Variants in SMTN observed in about 807,000 individuals in gnomAD.
SMTN encodes smoothelin.
A neutral mutation model predicts 102.0 loss-of-function variants in SMTN; 58 were observed. The observed-to-expected ratio is 0.57, with a 90% confidence interval of 0.46 to 0.71. SMTN has a LOEUF of 0.71. SMTN is among the 30% of genes least tolerant of loss of function. SMTN has a pLI of 0.00. For synonymous variants in SMTN, 478 were observed against 497.9 expected (o/e 0.96, Z 0.53); for missense variants, 1,185 against 1,241.7 (o/e 0.95, Z 0.69).
At chr22:31,085,374 C>T in intron 2 of SMTN, 2 of 1,271,874 alleles carry the variant, frequency 1.6e-6, no homozygotes, top group South Asian at 3.1e-5. Context: ...CGAGGCTTCC[C>T]TCCACCGCCG....
rs549981805 is a variant in SMTN at position 31,075,634 on chromosome 22, T to C, written c.-385-4816T>C. Among the ~76,000 whole-genome samples, 51 of 150,838 alleles carry C rather than the reference T, an allele frequency of 3.4e-4. 1 individual carries two copies. The South Asian group carries it at 5.1e-3, about 15-fold the overall frequency. Reference sequence around the variant, plus strand: ...AGGCAGGGGTTGCAGTGAGCCAAGATTGCGCCACTGCACTCTAGTCTGGGT... The same window carrying C: ...AGGCAGGGGTTGCAGTGAGCCAAGACTGCGCCACTGCACTCTAGTCTGGGT... On this transcript the variant is annotated intron_variant, in intron 1 of 3. Coordinates refer to the SMTN transcript ENST00000422839.
chr22:31,093,228 C>A, intron 11 of SMTN: 1 of 252,440 alleles, frequency 4.0e-6, no homozygotes, highest in South Asian at 4.5e-5. Context: ...TGGGCAGGCC[C>A]CCCCTCCCCC....
intron 1 of SMTN, chr22:31,082,841 A>C: frequency 6.6e-7 from 1 of 1,511,900 alleles, no homozygotes; most frequent in East Asian, 2.5e-5. Context: ...CCTGGTGGTA[A>C]GCACAGCTTG....
intron 2 of SMTN, chr22:31,083,556 T>C (rs952471128): frequency 8.9e-6 from 4 of 451,676 alleles, no homozygotes; most frequent in Non-Finnish European, 1.2e-5. Flanking sequence ...GTTTAAACAG[T>C]AACTGCTGTA....
chr22:31,071,806 C>T (rs1349578987), intron 1 of SMTN, among the ~76,000 whole-genome samples: 1 of 151,612 alleles, frequency 6.6e-6, no homozygotes, highest in Non-Finnish European at 1.5e-5. Flanking sequence ...AGGGATTCTC[C>T]CACCTCAGCC....
Position 31,083,290 on chromosome 22 carries a change from AG to A in SMTN, c.35del (p.Gly12GlufsTer78). 6.3e-7 allele frequency: 1 copy of A among 1,584,368 alleles called. No homozygotes were observed. Among genetic ancestry groups the A allele is most frequent in the Non-Finnish European group, 8.6e-7 (1 of 1,167,734 alleles). ...GACGAGGCCTTAGCTGGGCTGGATGAGGGAGCCCTTCGGAAGCTGGTAAGTG... is the reference window on the plus strand; with the variant it reads ...GACGAGGCCTTAGCTGGGCTGGATGAGGAGCCCTTCGGAAGCTGGTAAGTG... MADEALAGLD[E>X]GALRKLLEVT... On this transcript the variant is annotated frameshift_variant, in exon 2 of 21. Coordinates refer to ENST00000333137, the MANE Select transcript of SMTN (RefSeq NM_134269.3). LOFTEE classifies it high-confidence loss of function.
Position 31,098,792 on chromosome 22 carries a change from A to C in SMTN, c.2285A>C (p.Gln762Pro). 9 of 1,612,728 alleles carry C rather than the reference A, an allele frequency of 5.6e-6. No homozygotes were observed. The highest frequency in any genetic ancestry group is 6.8e-6 in the Non-Finnish European group (8 of 1,179,784). The part of the protein sequence containing the change: ...AQSLPKTSAS[Q>P]ARKAMIEKLE... ...AGTCTGCCCAAGACCTCAGCCTCCC[A>C]GGCGCGCAAGGCCATGATTGAGAAG... The change falls in exon 17 of 21, where the codon CAG (glutamine) becomes CCG (proline). Residue 762 changes from glutamine to proline, a missense_variant. This residue lies in a region of SMTN where 1,096 missense variants were observed against 1,112.7 expected (regional missense o/e 0.98). Coordinates refer to ENST00000333137, the MANE Select transcript of SMTN (RefSeq NM_134269.3).
chr22:31,095,603 A>C lies in SMTN; in HGVS notation c.1855A>C (p.Lys619Gln), dbSNP rs1390991789. The change falls in exon 13 of 21, where the codon AAG (lysine) becomes CAG (glutamine). Residue 619 changes from lysine (K) to glutamine (Q), a missense_variant. By Grantham distance (53) the Lys-to-Gln change is moderately conservative (BLOSUM62 1). Transcript: ENST00000333137. This position sits in a 1 kb window ranked among gnomAD's most constrained non-coding sequence, Gnocchi z 4.1. The stretch of plus-strand genomic sequence containing the variant: ...TGCACTTCGTGAGCTCCGACAAAGG[A>C]AGAGAGGTAGAGAGCCAGTTGCCCT... ...RAALRELRQRKRDQRDKERER... is the reference protein window; with the variant it reads ...RAALRELRQRQRDQRDKERER... 2 of 1,612,772 alleles carry C rather than the reference A, an allele frequency of 1.2e-6. No homozygotes were observed.
At position 31,069,069 on chromosome 22, in the gene SMTN, T is replaced by C. The variant is rs1410331563; in HGVS notation, c.-386+4882T>C. 2.0e-5 allele frequency among the ~76,000 whole-genome samples: 3 copies of C among 152,164 alleles called. No individual in the cohort carries two copies. In the East Asian group the frequency reaches 5.8e-4, roughly 29 times the overall value. On this transcript the variant is annotated intron_variant, in intron 1 of 3. Transcript: ENST00000422839. ...AGCGATTCAGAAGTCAAACATCAGGTTGGGGCTAGTTGTAAGGTTTAGGGC... is the reference window on the plus strand; with the variant it reads ...AGCGATTCAGAAGTCAAACATCAGGCTGGGGCTAGTTGTAAGGTTTAGGGC...
At chr22:31,097,128 G>GCT (rs2043657911) in intron 15 of SMTN, 68 bp downstream of exon 15, 2 of 1,546,396 alleles carry the variant, frequency 1.3e-6, no homozygotes, top group East Asian at 4.5e-5. Flanking sequence ...TCTTCCTTGA[G>GCT]CTCTCTCTCC....
intron 2 of SMTN, among the ~76,000 whole-genome samples, chr22:31,086,715 A>C (rs8140524): frequency 1.3e-5 from 2 of 152,100 alleles, no homozygotes; most frequent in African/African-American, 4.8e-5. Flanking sequence ...GAACCAACTA[A>C]GGGCTCTGGC....
chr22:31,087,917 C>T, intron 2 of SMTN, 48 bp from the exon 3 acceptor site: 1 of 1,530,598 alleles, frequency 6.5e-7, no homozygotes, highest in Non-Finnish European at 8.8e-7. Flanking sequence ...TGGTGCCAGC[C>T]CTCCGCCCCT....
In SMTN at chr22:31,090,966, A is replaced by T; in HGVS notation, c.943A>T (p.Thr315Ser). Residue 315 changes from threonine (T) to serine (S), a missense_variant, in exon 10 of 21, where the codon ACC (threonine) becomes TCC (serine). This residue lies in a region of SMTN where 1,096 missense variants were observed against 1,112.7 expected (regional missense o/e 0.98). Coordinates refer to ENST00000333137, the MANE Select transcript of SMTN (RefSeq NM_134269.3). ...PRQPAQNRES[T>S]PLASGPSSFQ... Reference sequence around the variant, plus strand: ...AGCCCTCCTGTTCCTTCTAGAGTCCACCCCCCTTGCCAGCGGACCTTCCTC... The same window carrying T: ...AGCCCTCCTGTTCCTTCTAGAGTCCTCCCCCCTTGCCAGCGGACCTTCCTC... 1 of 1,611,766 alleles carries T rather than the reference A, an allele frequency of 6.2e-7. No homozygotes were observed. The highest frequency in any genetic ancestry group is 8.5e-7 in the Non-Finnish European group (1 of 1,179,018).
At chr22:31,069,488 G>A (rs1358097616) in intron 1 of SMTN, among the ~76,000 whole-genome samples, 2 of 152,182 alleles carry the variant, frequency 1.3e-5, no homozygotes, top group East Asian at 1.9e-4. Context: ...CGATGAATTC[G>A]AAAAGCTTTA....
upstream of SMTN, chr22:31,081,312 C>T (rs1055714482): frequency 1.3e-5 from 2 of 152,264 alleles, no homozygotes; most frequent in African/African-American, 4.8e-5. Flanking sequence ...GGACGGGCAG[C>T]TCTCCGCAGA....
Position 31,093,842 on chromosome 22 carries a change from G to A in SMTN, c.1633-1461G>A, listed in dbSNP as rs1310768188. 1.0e-5 allele frequency: 16 copies of A among 1,587,010 alleles called. No homozygotes were observed. The Admixed American group carries it at 1.2e-4, about 12-fold the overall frequency. On this transcript the variant is annotated intron_variant, in intron 11 of 20. Transcript: ENST00000333137. The stretch of plus-strand genomic sequence containing the variant: ...CCACCTGCCTTCAGCACCCGCCGCC[G>A]CTCCTCCACCGGCACCACCCGCAGC...
chr22:31,074,689 C>T (rs757056611), intron 1 of SMTN, among the ~76,000 whole-genome samples: 3 of 152,014 alleles, frequency 2.0e-5, no homozygotes, highest in Non-Finnish European at 2.9e-5. Flanking sequence ...ACTCACTACT[C>T]GGGAGGCTGA....
At chr22:31,085,527 G>A (rs574349689) in intron 2 of SMTN, among the ~76,000 whole-genome samples, 142 of 152,344 alleles carry the variant, frequency 9.3e-4, no homozygotes, top group African/African-American at 2.8e-3. Context: ...AGTACACGGA[G>A]AGCCGGCTCC....
In SMTN at chr22:31,096,868, T is replaced by A. The variant is rs2043629346; in HGVS notation, c.1997T>A (p.Val666Asp). The A allele has an allele frequency of 3.2e-6, 5 of 1,580,546 alleles. No homozygotes were observed. The highest frequency in any genetic ancestry group is 2.3e-5 in the South Asian group (2 of 86,382). ...RAADGSAVST[V>D]TKTERLVHSN... is the part of the protein sequence containing the mutation. ...GCTGATGGCTCTGCTGTCAGCACTGTTACCAAGACTGAGCGGCTCGTCCAC... is the reference window on the plus strand; with the variant it reads ...GCTGATGGCTCTGCTGTCAGCACTGATACCAAGACTGAGCGGCTCGTCCAC... Residue 666 changes from valine to aspartate, a missense_variant, in exon 14 of 21, where the codon GTT (valine) becomes GAT (aspartate). Around this residue, in one of 2 missense-constraint regions of SMTN, gnomAD observed 1,096 missense variants for 1,112.7 expected, o/e 0.98. Coordinates refer to ENST00000333137, the MANE Select transcript of SMTN (RefSeq NM_134269.3).
Sources: gnomAD v4.1 joint callset for allele counts (sites outside exome capture counted in the v4.1 genomes callset) on GRCh38, gnomAD v4.1.1 for gene constraint, gnomAD v4.1.1 regional missense constraint, Gnocchi (gnomAD v3.1) non-coding constraint, MANE v1.5 for transcripts, NCBI Gene and HGNC (gene_info 2026-07-23, HGNC 2026-07-21) for gene names.